Variants in DIMT1 observed in about 807,000 individuals in gnomAD.
DIMT1 encodes dimethyladenosine transferase.
In DIMT1, 36 loss-of-function variants were observed where a neutral mutation model predicts 43.2. The ratio of observed to expected loss-of-function variants is 0.83; its 90% CI spans 0.64 to 1.10. The LOEUF (loss-of-function observed/expected upper bound fraction) is 1.10. Ranked by LOEUF, DIMT1 falls within the 50% of genes least tolerant of loss-of-function variation. The pLI, the probability that DIMT1 is intolerant of heterozygous loss-of-function variation, is 0.00. For synonymous variants in DIMT1, 126 were observed against 130.3 expected, an observed-to-expected ratio of 0.97 and a Z score of 0.22; for missense variants, 341 against 385.3, an observed-to-expected ratio of 0.88 and a Z score of 0.96.
chr5:62,395,090 T>C (rs1432878008), intron 6 of DIMT1, among the ~76,000 whole-genome samples: 3 of 150,900 alleles, frequency 2.0e-5, no homozygotes, highest in Admixed American at 6.6e-5. Flanking sequence ...AATGGCGCAA[T>C]CTCGGCTCAC....
chr5:62,403,561 A>G, intron 1 of DIMT1, 133 bp downstream of exon 1: 1 of 1,126,648 alleles, frequency 8.9e-7, no homozygotes, highest in Non-Finnish European at 1.3e-6. Context: ...TCGGGGACCC[A>G]CCCCTGCCTT....
At chr5:62,397,295 C>A (rs1561291761) in intron 6 of DIMT1, among the ~76,000 whole-genome samples, 1 of 152,116 alleles carries the variant, frequency 6.6e-6, no homozygotes, top group African/African-American at 2.4e-5. Context: ...GGAAGCTCTG[C>A]TTTTATCTGC....
chr5:62,398,553 GA>G lies in DIMT1; in HGVS notation c.403del (p.Ser135HisfsTer54). ...TAGCAACAGCTTGAAGACAAAAGGT[GA>G]AGAGATCTGTAAGAGAATTAACTAG... is the stretch of plus-strand genomic sequence containing the variant. The part of the protein sequence containing the change: ...CVANLPYQIS[S>X]PFVFKLLLHR... On this transcript the variant is annotated frameshift_variant, in exon 6 of 12. Coordinates refer to ENST00000199320, the MANE Select transcript of DIMT1 (RefSeq NM_014473.4). LOFTEE classifies it high-confidence loss of function. The G allele has an allele frequency of 6.2e-7, 1 of 1,612,586 alleles. No homozygotes were observed. Among genetic ancestry groups the G allele is most frequent in the Non-Finnish European group, 8.5e-7 (1 of 1,178,688 alleles).
intron 10 of DIMT1, chr5:62,391,739 T>G: frequency 7.4e-7 from 1 of 1,344,194 alleles, no homozygotes; most frequent in Non-Finnish European, 9.5e-7. Flanking sequence ...CCATATGAAC[T>G]TTATTTCAAT....
In DIMT1 at chr5:62,403,700, C is replaced by A; in HGVS notation, c.73G>T (p.Ala25Ser). Residue 25 changes from alanine (A) to serine (S), a missense_variant, in exon 1 of 12, where the codon GCT becomes TCT. Physicochemically the swap from Ala to Ser is moderately conservative, Grantham distance 99. Coordinates refer to ENST00000199320, the MANE Select transcript of DIMT1 (RefSeq NM_014473.4). ...RQEQRRELKS[A>S]GGLMFNTGIG... The stretch of plus-strand genomic sequence containing the variant: ...TCCTCGCGGGGATCCGCACCTCCAG[C>A]GCTCTTCAGCTCCCGGCGCTGCTCC... 6.2e-7 allele frequency: 1 copy of A among 1,608,372 alleles called. No homozygotes were observed. Among genetic ancestry groups the A allele is most frequent in the Non-Finnish European group, 8.5e-7 (1 of 1,178,194 alleles).
In DIMT1 at chr5:62,403,728, C is replaced by A; in HGVS notation, c.45G>T (p.Arg15=). The change falls in exon 1 of 12, where the codon CGG becomes CGT. Residue 15 remains arginine (R), a synonymous_variant. Coordinates refer to ENST00000199320, the MANE Select transcript of DIMT1 (RefSeq NM_014473.4). ...KSGAIGRRRG[R]QEQRRELKSA... The stretch of plus-strand genomic sequence containing the variant: ...TCTTCAGCTCCCGGCGCTGCTCCTG[C>A]CGCCCGCGGCGGCGGCCGATGGCCC... 1.2e-6 allele frequency: 2 copies of A among 1,609,720 alleles called. No individual in the cohort carries two copies. Among genetic ancestry groups the A allele is most frequent in the African/African-American group, 1.3e-5 (1 of 75,024 alleles).
chr5:62,400,479 C>G (rs1204388366), intron 3 of DIMT1, among the ~76,000 whole-genome samples: 1 of 151,900 alleles, frequency 6.6e-6, no homozygotes, highest in African/African-American at 2.4e-5. Context: ...CTCAAAACTC[C>G]TGGGCTCAAA....
intron 6 of DIMT1, chr5:62,398,281 G>C (rs1415710966): frequency 4.0e-6 from 2 of 494,266 alleles, no homozygotes; most frequent in African/African-American, 1.9e-5. Context: ...TTAACGGCAG[G>C]AAGATTCAAA....
intron 3 of DIMT1, among the ~76,000 whole-genome samples, chr5:62,399,314 A>C (rs1742613185): frequency 6.6e-6 from 1 of 152,136 alleles, no homozygotes; most frequent in Non-Finnish European, 1.5e-5. Flanking sequence ...TAAAAATACA[A>C]ATTTAGCTGG....
intron 11 of DIMT1, 127 bp downstream of exon 11, chr5:62,390,749 C>T (rs981060930): frequency 1.1e-5 from 8 of 729,784 alleles, no homozygotes; most frequent in Admixed American, 2.2e-5. Context: ...TATTCCATGC[C>T]ATGGAAGTGC....
rs1222185701 is a variant in DIMT1 at position 62,387,976 on chromosome 5, T to G, written c.*1034A>C. The G allele has an allele frequency of 6.6e-6, 1 of 152,130 alleles. No individual in the cohort carries two copies. Among genetic ancestry groups the G allele is most frequent in the African/African-American group, 2.4e-5 (1 of 41,452 alleles). 9.4% of individuals were successfully genotyped at this position (152,130 alleles called of 1,614,324 possible). On this transcript the variant is annotated 3_prime_UTR_variant, in exon 12 of 12. Transcript: ENST00000199320. ...TATCAATAAAGATATTTTTATTAAT[T>G]TTTTATAGAAACAAAATAGCTACTA...
At chr5:62,398,129 G>A (rs1055061322) in intron 6 of DIMT1, among the ~76,000 whole-genome samples, 6 of 151,454 alleles carry the variant, frequency 4.0e-5, no homozygotes, top group African/African-American at 1.5e-4. Context: ...TTATTTTGGT[G>A]CAAAAAAATT....
chr5:62,395,749 T>C (rs958976246), intron 6 of DIMT1, among the ~76,000 whole-genome samples: 2 of 152,130 alleles, frequency 1.3e-5, no homozygotes, highest in Admixed American at 6.6e-5. Flanking sequence ...ACACCTATAA[T>C]CCACAGCACT....
chr5:62,394,160 G>C lies in DIMT1; in HGVS notation c.571-113C>G, dbSNP rs1742399747. ...GGATGCTCAAGGATGAATTAAGCTA[G>C]ATTATTTCAATAATAAAAATCACTG... On this transcript the variant is annotated intron_variant, in intron 7 of 11. Transcript: ENST00000199320. 3.9e-6 allele frequency: 4 copies of C among 1,016,986 alleles called. No individual in the cohort carries two copies. In the South Asian group the frequency reaches 4.3e-5, roughly 11 times the overall value. The allele number at this position is 1,016,986 out of a possible 1,614,324, so 63.0% of individuals were successfully genotyped here.
intron 10 of DIMT1, 66 bp downstream of exon 10, chr5:62,392,105 A>T: frequency 6.2e-7 from 1 of 1,605,140 alleles, no homozygotes; most frequent in Non-Finnish European, 8.5e-7. Flanking sequence ...TAGATCAACA[A>T]GAATAAAAAT....
intron 9 of DIMT1, among the ~76,000 whole-genome samples, chr5:62,392,612 T>C (rs891136707): frequency 6.6e-6 from 1 of 151,854 alleles, no homozygotes; most frequent in Non-Finnish European, 1.5e-5. Context: ...ACATGACACA[T>C]ATCCTTCACA....
intron 10 of DIMT1, 37 bp downstream of exon 10, chr5:62,392,131 AAAC>A (rs1335143304): frequency 1.2e-6 from 2 of 1,606,794 alleles, no homozygotes; most frequent in Admixed American, 1.7e-5. Flanking sequence ...TTTTAAAAGA[AAAC>A]AAATCAATGA....
In DIMT1 at chr5:62,395,807, C is replaced by T. The variant is rs188899605; in HGVS notation, c.447-1200G>A. 1.4e-4 allele frequency among the ~76,000 whole-genome samples: 22 copies of T among 151,886 alleles called. No homozygotes were observed. The East Asian group carries it at 4.3e-3, about 30-fold the overall frequency. On this transcript the variant is annotated intron_variant, in intron 6 of 11. Transcript: ENST00000199320. The stretch of plus-strand genomic sequence containing the variant: ...TCGCTTGAGCTCAGGAGTTCAAGAC[C>T]AGCCTGGGCTGAACATGGTGAGACC...
intron 8 of DIMT1, 142 bp from the exon 9 acceptor site, chr5:62,393,132 G>A (rs1012787661): frequency 9.2e-5 from 47 of 508,192 alleles, no homozygotes; most frequent in South Asian, 1.4e-4. Context: ...TCTTGATCTG[G>A]CTGGCACACA....
Sources: gnomAD v4.1 joint callset for allele counts (sites outside exome capture counted in the v4.1 genomes callset) on GRCh38, gnomAD v4.1.1 for gene constraint, MANE v1.5 for transcripts, NCBI Gene and HGNC (gene_info 2026-07-23, HGNC 2026-07-21) for gene names.